Variants in MEIS2 observed in about 807,000 individuals in gnomAD.
The protein encoded by MEIS2 is homeobox protein Meis2.
A neutral mutation model predicts 58.6 loss-of-function variants in MEIS2; 9 were observed. The observed-to-expected ratio is 0.15, with a 90% CI of 0.09 to 0.27. The LOEUF (loss-of-function observed/expected upper bound fraction) is 0.27, where lower values mean the gene tolerates loss of function less well. MEIS2 is among the 10% of genes least tolerant of loss of function. The pLI is 1.00. For missense variants in MEIS2, 427 were observed against 635.0 expected (o/e 0.67, Z 3.52); for synonymous variants, 221 against 228.4 (o/e 0.97, Z 0.29).
chr15:36,963,519 G>T (rs905731948), intron 8 of MEIS2, among the ~76,000 whole-genome samples: 4 of 152,142 alleles, frequency 2.6e-5, no homozygotes, highest in Admixed American at 2.6e-4. Flanking sequence ...GTATTTGTAG[G>T]TGTAAAATTT....
intron 7 of MEIS2, among the ~76,000 whole-genome samples, chr15:37,059,727 A>G (rs1012026333): frequency 6.6e-6 from 1 of 151,982 alleles, no homozygotes; most frequent in Non-Finnish European, 1.5e-5. Flanking sequence ...AGTTGAGGCC[A>G]GGAGTTAGAG....
At chr15:36,926,674 C>T (rs1422956579) in intron 9 of MEIS2, among the ~76,000 whole-genome samples, 1 of 152,184 alleles carries the variant, frequency 6.6e-6, no homozygotes, top group Non-Finnish European at 1.5e-5. Flanking sequence ...TAACACTGTG[C>T]AACTGATGTA....
intron 7 of MEIS2, among the ~76,000 whole-genome samples, chr15:37,076,842 C>T (rs1337837571): frequency 1.3e-5 from 2 of 152,054 alleles, no homozygotes; most frequent in Non-Finnish European, 2.9e-5. Context: ...GCAAATGTGA[C>T]ATGTAAGCAA....
At chr15:37,037,208 C>T (rs1232112635) in intron 7 of MEIS2, among the ~76,000 whole-genome samples, 2 of 152,176 alleles carry the variant, frequency 1.3e-5, no homozygotes. Flanking sequence ...GCACTTGACA[C>T]AGTGCAGTAG....
intron 7 of MEIS2, among the ~76,000 whole-genome samples, chr15:37,060,274 A>G (rs1424025332): frequency 6.6e-6 from 1 of 152,150 alleles, no homozygotes; most frequent in East Asian, 1.9e-4. Context: ...GGGCTTCAAC[A>G]TACCACCTTT....
At position 37,095,635 on chromosome 15, in the gene MEIS2, A is replaced by G. The variant is rs576505393; in HGVS notation, c.388-21T>C. 1.1e-4 allele frequency: 176 copies of G among 1,614,198 alleles called. 2 individuals carry two copies. The South Asian group carries it at 1.3e-3, about 11-fold the overall frequency. On this transcript the variant is annotated intron_variant, in intron 3 of 11. Coordinates refer to ENST00000561208, the MANE Select transcript of MEIS2 (RefSeq NM_170675.5). Reference sequence around the variant, plus strand: ...CGAACCTGTAAGAAACAGAGAGTCAACTTGAACGATCACCCCATTTAAAAT... The same window carrying G: ...CGAACCTGTAAGAAACAGAGAGTCAGCTTGAACGATCACCCCATTTAAAAT...
intron 7 of MEIS2, among the ~76,000 whole-genome samples, chr15:37,077,327 C>T (rs1185524895): frequency 6.6e-6 from 1 of 152,018 alleles, no homozygotes; most frequent in East Asian, 1.9e-4. Context: ...GAGCTCATTT[C>T]TACAAGTTCC....
At chr15:37,060,256 T>C (rs972738763) in intron 7 of MEIS2, among the ~76,000 whole-genome samples, 2 of 152,180 alleles carry the variant, frequency 1.3e-5, no homozygotes, top group Non-Finnish European at 2.9e-5. Flanking sequence ...TTTTTCAAAA[T>C]TCATTTTGGG....
chr15:36,988,171 T>C (rs1190397074), intron 8 of MEIS2, among the ~76,000 whole-genome samples: 3 of 152,208 alleles, frequency 2.0e-5, no homozygotes, highest in African/African-American at 7.2e-5. Context: ...CTATATGAGA[T>C]GATGGATATA....
chr15:36,928,976 T>G (rs912419057), intron 9 of MEIS2, among the ~76,000 whole-genome samples: 1 of 152,198 alleles, frequency 6.6e-6, no homozygotes, highest in African/African-American at 2.4e-5. Flanking sequence ...AACTCACAGT[T>G]CATGTCTAAA....
At chr15:36,984,615 G>A (rs948046437) in intron 8 of MEIS2, among the ~76,000 whole-genome samples, 1 of 152,126 alleles carries the variant, frequency 6.6e-6, no homozygotes, top group African/African-American at 2.4e-5. Context: ...AGATGAGTTT[G>A]GAAGTGTTCC....
chr15:36,892,264 G>A lies in MEIS2; in HGVS notation c.1343C>T (p.Pro448Leu). Residue 448 changes from proline to leucine, a missense_variant, in exon 12 of 12, where the codon CCT becomes CTT. This residue lies in a region of MEIS2 where 154 missense variants were observed against 148.1 expected (regional missense o/e 1.04). Transcript: ENST00000561208. ...MMMHGGPPTH[P>L]GMTMSAQSPT... ...GCTCTGTGCTGACATAGTCATTCCA[G>A]GGTGGGTAGGGGGTCCTCCGTGCAT... is the stretch of plus-strand genomic sequence containing the variant. 1.2e-6 allele frequency: 2 copies of A among 1,614,090 alleles called. No individual in the cohort carries two copies. Among genetic ancestry groups the A allele is most frequent in the Non-Finnish European group, 8.5e-7 (1 of 1,180,024 alleles).
chr15:36,939,486 G>GC (rs1251781650), intron 9 of MEIS2, among the ~76,000 whole-genome samples: 1 of 151,964 alleles, frequency 6.6e-6, no homozygotes, highest in Admixed American at 6.6e-5. Flanking sequence ...TGCTGTCTTT[G>GC]CAAGTGTTGC....
chr15:36,951,861 C>T (rs1035091279), intron 8 of MEIS2, among the ~76,000 whole-genome samples: 1 of 152,066 alleles, frequency 6.6e-6, no homozygotes, highest in Non-Finnish European at 1.5e-5. Flanking sequence ...CCTCCTGCTT[C>T]GAGTCTACCC....
intron 8 of MEIS2, among the ~76,000 whole-genome samples, chr15:36,957,264 G>T (rs1181966687): frequency 1.3e-5 from 2 of 152,030 alleles, no homozygotes; most frequent in Non-Finnish European, 2.9e-5. Context: ...AAAGTGAAAT[G>T]AATATAAATT....
At chr15:37,080,407 C>T (rs573653745) in intron 7 of MEIS2, among the ~76,000 whole-genome samples, 1 of 152,222 alleles carries the variant, frequency 6.6e-6, no homozygotes, top group South Asian at 2.1e-4. Context: ...TAACTCCCAT[C>T]AGCGTTAATG....
At position 36,896,705 on chromosome 15, in the gene MEIS2, G is replaced by T. The variant is rs201705165; in HGVS notation, c.978-19C>A. 6 of 1,610,604 alleles carry T rather than the reference G, an allele frequency of 3.7e-6. No individual in the cohort carries two copies. Among genetic ancestry groups the T allele is most frequent in the Non-Finnish European group, 5.1e-6 (6 of 1,176,878 alleles). On this transcript the variant is annotated intron_variant, in intron 9 of 11. Coordinates refer to ENST00000561208, the MANE Select transcript of MEIS2 (RefSeq NM_170675.5). ...AATAAACCTGAAAGAGAACAGAGAA[G>T]TCCAGTCATCATACTCCGTTTCTGT...
At chr15:37,021,420 C>G (rs1479607616) in intron 8 of MEIS2, among the ~76,000 whole-genome samples, 1 of 152,224 alleles carries the variant, frequency 6.6e-6, no homozygotes, top group Admixed American at 6.5e-5. Flanking sequence ...AGAAAGTTCT[C>G]CATCCCATGG....
chr15:36,990,351 G>GA (rs921801880), intron 8 of MEIS2, among the ~76,000 whole-genome samples: 416 of 139,754 alleles, frequency 3.0e-3, no homozygotes, highest in Middle Eastern at 7.7e-3. Flanking sequence ...TGAATCTGCA[G>GA]AAAAAAAAAA....
Sources: gnomAD v4.1 joint callset for allele counts (sites outside exome capture counted in the v4.1 genomes callset) on GRCh38, gnomAD v4.1.1 for gene constraint, gnomAD v4.1.1 regional missense constraint, MANE v1.5 for transcripts, NCBI Gene and HGNC (gene_info 2026-07-23, HGNC 2026-07-21) for gene names.